CDH13: variants seen among roughly 807,000 people sequenced by gnomAD.
CDH13 encodes cadherin 13.
In CDH13, 24 loss-of-function variants were observed where a neutral mutation model predicts 63.8. The observed-to-expected ratio is 0.38, with a 90% CI of 0.27 to 0.53. The LOEUF is 0.53. CDH13 is among the 20% of genes least tolerant of loss of function. The probability of loss-of-function intolerance (pLI) is 0.85; values close to 1 mark genes in which losing one functional copy is unlikely to be tolerated. For synonymous variants in CDH13, 503 were observed against 355.3 expected, an observed-to-expected ratio of 1.42 and a Z score of -4.67; for missense variants, 1,049 against 903.1, an observed-to-expected ratio of 1.16 and a Z score of -2.07.
chr16:83,244,510 T>C (rs1000982264), intron 5 of CDH13, among the ~76,000 whole-genome samples: 1 of 152,234 alleles, frequency 6.6e-6, no homozygotes, highest in Non-Finnish European at 1.5e-5. Flanking sequence ...TCTGTGCCAC[T>C]GATCAGTGTT....
chr16:83,717,883 T>C (rs73250502), intron 10 of CDH13: 16,572 of 152,256 alleles, frequency 0.11, 1,027 homozygotes, highest in African/African-American at 0.16. Flanking sequence ...TGTGCTCTGC[T>C]TGCCTCTCCT....
At chr16:82,980,358 C>G (rs1378609937) in intron 2 of CDH13, among the ~76,000 whole-genome samples, 2 of 152,250 alleles carry the variant, frequency 1.3e-5, no homozygotes, top group African/African-American at 2.4e-5. Context: ...AAAGACCAAT[C>G]TCCAGGGACC....
chr16:83,382,409 A>G (rs2091585128), intron 6 of CDH13, among the ~76,000 whole-genome samples: 1 of 152,166 alleles, frequency 6.6e-6, no homozygotes, highest in South Asian at 2.1e-4. Context: ...AGTTGCACGA[A>G]CAGAACAAAG....
At chr16:83,510,931 G>C (rs2074541797) in intron 7 of CDH13, among the ~76,000 whole-genome samples, 1 of 152,238 alleles carries the variant, frequency 6.6e-6, no homozygotes, top group Admixed American at 6.5e-5. Flanking sequence ...GAAAACTTTA[G>C]ACTGAGAGAA....
intron 1 of CDH13, among the ~76,000 whole-genome samples, chr16:82,735,946 T>C (rs763675185): frequency 2.6e-5 from 4 of 152,218 alleles, no homozygotes; most frequent in Non-Finnish European, 5.9e-5. Context: ...CTATACTCAC[T>C]AGGCTGATTT....
At chr16:83,234,511 C>T (rs1361360795) in intron 5 of CDH13, among the ~76,000 whole-genome samples, 1 of 152,088 alleles carries the variant, frequency 6.6e-6, no homozygotes, top group Admixed American at 6.5e-5. Context: ...TAGGCAGCTC[C>T]AAGTCCAGAT....
chr16:83,129,567 C>G (rs551369753), intron 4 of CDH13, among the ~76,000 whole-genome samples: 3 of 152,140 alleles, frequency 2.0e-5, no homozygotes, highest in Non-Finnish European at 4.4e-5. Context: ...ACACTGTCAG[C>G]GTTACACCAC....
intron 1 of CDH13, among the ~76,000 whole-genome samples, chr16:82,647,173 C>A (rs998014672): frequency 6.6e-6 from 1 of 152,156 alleles, no homozygotes; most frequent in African/African-American, 2.4e-5. Context: ...GAAATGTCGG[C>A]AGTGAAACCT....
At chr16:83,787,020 T>C (rs8049765) in intron 13 of CDH13, among the ~76,000 whole-genome samples, 28,992 of 152,266 alleles carry the variant, frequency 0.19, 3,329 homozygotes, top group Non-Finnish European at 0.26. Context: ...TATTCATGTG[T>C]GTGTCCAGAT....
At chr16:83,275,467 T>A (rs4145654) in intron 5 of CDH13, among the ~76,000 whole-genome samples, 2 of 152,170 alleles carry the variant, frequency 1.3e-5, no homozygotes, top group Non-Finnish European at 2.9e-5. Flanking sequence ...GCACTGACAT[T>A]AGTGCTCATG....
At chr16:83,153,216 C>G (rs1348749042) in intron 4 of CDH13, among the ~76,000 whole-genome samples, 3 of 151,900 alleles carry the variant, frequency 2.0e-5, no homozygotes. Flanking sequence ...TTGGGGAGTG[C>G]TGATTGGTTG....
chr16:83,001,942 A>G (rs143673797), intron 2 of CDH13, among the ~76,000 whole-genome samples: 74 of 152,306 alleles, frequency 4.9e-4, no homozygotes, highest in African/African-American at 1.5e-3. Context: ...TAGAAAAGGG[A>G]AGACAAAAAA....
intron 11 of CDH13, among the ~76,000 whole-genome samples, chr16:83,753,520 T>G (rs914263469): frequency 6.6e-6 from 1 of 152,172 alleles, no homozygotes; most frequent in Admixed American, 6.6e-5. Flanking sequence ...CACTCTAGCC[T>G]GGGCAGCAGA....
chr16:83,246,446 C>A (rs796377083), intron 5 of CDH13, among the ~76,000 whole-genome samples: 6 of 152,264 alleles, frequency 3.9e-5, no homozygotes, highest in African/African-American at 1.4e-4. Flanking sequence ...GCTTTGCTGA[C>A]TTCTGTACTC....
At chr16:83,203,513 C>G (rs150909473) in intron 4 of CDH13, among the ~76,000 whole-genome samples, 1 of 151,056 alleles carries the variant, frequency 6.6e-6, no homozygotes, top group Non-Finnish European at 1.5e-5. Context: ...GGTGAAACCC[C>G]GTCTCTACTA....
intron 7 of CDH13, among the ~76,000 whole-genome samples, chr16:83,596,004 CT>C (rs1449178608): frequency 1.3e-5 from 2 of 152,216 alleles, no homozygotes; most frequent in Non-Finnish European, 2.9e-5. Context: ...AGAGCAGCAC[CT>C]TTTGCAAAAT....
At chr16:82,747,253 C>A (rs553811328) in intron 1 of CDH13, among the ~76,000 whole-genome samples, 1 of 152,146 alleles carries the variant, frequency 6.6e-6, no homozygotes, top group South Asian at 2.1e-4. Context: ...GTTAGAAATT[C>A]ATAATCTGTA....
intron 2 of CDH13, among the ~76,000 whole-genome samples, chr16:82,932,374 C>T (rs572736059): frequency 6.6e-6 from 1 of 152,248 alleles, no homozygotes; most frequent in Non-Finnish European, 1.5e-5. Context: ...AGCTTTCAGG[C>T]AACAACCGCT....
intron 3 of CDH13, among the ~76,000 whole-genome samples, chr16:83,112,063 C>T (rs897084552): frequency 2.6e-5 from 4 of 152,120 alleles, no homozygotes; most frequent in Non-Finnish European, 5.9e-5. Context: ...GGCTTTGTTC[C>T]ATTTTTGGAA....
Sources: gnomAD v4.1 joint callset for allele counts (sites outside exome capture counted in the v4.1 genomes callset) on GRCh38, gnomAD v4.1.1 for gene constraint, MANE v1.5 for transcripts, NCBI Gene and HGNC (gene_info 2026-07-23, HGNC 2026-07-21) for gene names.